The following OXCT1 variants were observed in gnomAD, a reference collection of about 807,000 sequenced individuals.
OXCT1 encodes 3-oxoacid CoA-transferase 1, also known as succinyl-CoA:3-ketoacid coenzyme A transferase 1, mitochondrial.
In OXCT1, 27 loss-of-function variants were observed where a neutral mutation model predicts 69.6. That is an observed-to-expected ratio of 0.39 (90% CI 0.29 to 0.54). The LOEUF (loss-of-function observed/expected upper bound fraction) is 0.54. Among genes scored for constraint, OXCT1 ranks in the 20% least tolerant of loss-of-function variants. The pLI is 0.72. For synonymous variants in OXCT1, 202 were observed against 217.8 expected (o/e 0.93, Z 0.64); for missense variants, 437 against 650.2 (o/e 0.67, Z 3.57).
intron 1 of OXCT1, among the ~76,000 whole-genome samples, chr5:41,864,262 A>G (rs1240875912): frequency 6.6e-6 from 1 of 152,204 alleles, no homozygotes; most frequent in Non-Finnish European, 1.5e-5. Flanking sequence ...ATCCTGATAT[A>G]CTGCTACCTT....
intron 7 of OXCT1, among the ~76,000 whole-genome samples, chr5:41,817,833 G>A (rs1747324210): frequency 6.6e-6 from 1 of 152,180 alleles, no homozygotes; most frequent in Non-Finnish European, 1.5e-5. Flanking sequence ...TCCCAGAGAA[G>A]TCAGAGGAAA....
intron 7 of OXCT1, among the ~76,000 whole-genome samples, chr5:41,811,880 G>A (rs1444697463): frequency 1.3e-5 from 2 of 152,032 alleles, no homozygotes; most frequent in African/African-American, 4.8e-5. Context: ...CACAGACCTA[G>A]GCATGAAGTG....
chr5:41,788,219 C>A (rs557845801), intron 13 of OXCT1, among the ~76,000 whole-genome samples: 1 of 151,776 alleles, frequency 6.6e-6, no homozygotes, highest in South Asian at 2.1e-4. Flanking sequence ...ATATGGTAGA[C>A]CCTAGAGAAG....
At chr5:41,743,833 G>A (rs1405331624) in intron 15 of OXCT1, among the ~76,000 whole-genome samples, 1 of 152,100 alleles carries the variant, frequency 6.6e-6, no homozygotes, top group Non-Finnish European at 1.5e-5. Flanking sequence ...TGTTCCATTG[G>A]TCTATATCTC....
In OXCT1 at chr5:41,762,244, T is replaced by G; in HGVS notation, c.1249-44A>C. ...ATAGCTCTGTATCTTTCACTTCTTT[T>G]GTATGTGACAGAACAAAATTAACTT... On this transcript the variant is annotated intron_variant, in intron 13 of 16. Coordinates refer to ENST00000196371, the MANE Select transcript of OXCT1 (RefSeq NM_000436.4). This position sits in a 1 kb window ranked among gnomAD's most constrained non-coding sequence, Gnocchi z 4.0. The G allele has an allele frequency of 7.1e-7, 1 of 1,415,174 alleles. No homozygotes were observed. 87.7% of individuals were successfully genotyped at this position (1,415,174 alleles called of 1,614,324 possible). A position where few individuals can be genotyped will look rare whatever the true frequency, so the allele number is the denominator to read the frequency against.
At chr5:41,796,092 C>T (rs1382435174) in intron 11 of OXCT1, among the ~76,000 whole-genome samples, 1 of 152,086 alleles carries the variant, frequency 6.6e-6, no homozygotes, top group East Asian at 1.9e-4. Flanking sequence ...GCCAATGTAT[C>T]TAAGGTTAAC....
intron 3 of OXCT1, among the ~76,000 whole-genome samples, chr5:41,854,590 T>A (rs1749342905): frequency 6.6e-6 from 1 of 152,178 alleles, no homozygotes; most frequent in Non-Finnish European, 1.5e-5. Context: ...TGGTGAAATT[T>A]TTTAATGACA....
In OXCT1 at chr5:41,850,114, C is replaced by T. The variant is rs78432029; in HGVS notation, c.480G>A (p.Gly160=). Residue 160 remains glycine (G), a synonymous_variant, in exon 5 of 17, where the codon GGG becomes GGA. Coordinates refer to ENST00000196371, the MANE Select transcript of OXCT1 (RefSeq NM_000436.4). ...CTCCTTCTTGTACCAGGGTCCCATACCCTGTTGGGGTGTAAAATGCAGGAA... is the reference window on the plus strand; with the variant it reads ...CTCCTTCTTGTACCAGGGTCCCATATCCTGTTGGGGTGTAAAATGCAGGAA... ...AGVPAFYTPT[G]YGTLVQEGGS... The T allele has an allele frequency of 2.2e-4, 349 of 1,613,904 alleles. 1 individual carries two copies. The South Asian group carries it at 3.6e-3, about 17-fold the overall frequency.
chr5:41,784,172 A>AATTT (rs1207482138), intron 13 of OXCT1, among the ~76,000 whole-genome samples: 1 of 152,246 alleles, frequency 6.6e-6, no homozygotes, highest in African/African-American at 2.4e-5. Context: ...ATTGCAAGAT[A>AATTT]ATTTTATAAA....
intron 13 of OXCT1, among the ~76,000 whole-genome samples, chr5:41,793,092 A>G (rs1235758458): frequency 2.0e-5 from 3 of 152,212 alleles, no homozygotes; most frequent in African/African-American, 7.2e-5. Flanking sequence ...AGCTAGACTA[A>G]CATGATCTCT....
At chr5:41,806,301 T>G (rs1746678498) in intron 8 of OXCT1, among the ~76,000 whole-genome samples, 1 of 152,066 alleles carries the variant, frequency 6.6e-6, no homozygotes, top group African/African-American at 2.4e-5. Flanking sequence ...GTTTGATATC[T>G]ACAAGGTAGT....
chr5:41,732,455 A>G (rs1742681391), intron 16 of OXCT1, among the ~76,000 whole-genome samples: 2 of 152,270 alleles, frequency 1.3e-5, no homozygotes, highest in African/African-American at 4.8e-5. Flanking sequence ...TATTTAAGGT[A>G]GAGCCGGTTG....
intron 3 of OXCT1, among the ~76,000 whole-genome samples, chr5:41,858,386 C>A (rs1749550967): frequency 6.6e-6 from 1 of 152,158 alleles, no homozygotes; most frequent in Non-Finnish European, 1.5e-5. Flanking sequence ...GGGAACATAT[C>A]ATTTCTAATA....
intron 7 of OXCT1, among the ~76,000 whole-genome samples, chr5:41,826,538 C>G (rs956024191): frequency 2.0e-5 from 3 of 151,800 alleles, no homozygotes; most frequent in African/African-American, 7.3e-5. Context: ...ATGAAATAAG[C>G]AAACAACAGA....
At chr5:41,761,600 T>G (rs1443776038) in intron 14 of OXCT1, among the ~76,000 whole-genome samples, 1 of 152,146 alleles carries the variant, frequency 6.6e-6, no homozygotes, top group Non-Finnish European at 1.5e-5. Flanking sequence ...AATAAAAGTA[T>G]AATACCTTTC....
intron 14 of OXCT1, among the ~76,000 whole-genome samples, chr5:41,753,131 A>G (rs944127599): frequency 7.2e-5 from 11 of 152,096 alleles, no homozygotes; most frequent in African/African-American, 2.7e-4. Flanking sequence ...CCAAATCCAA[A>G]TAAGCTCTTT....
Position 41,731,681 on chromosome 5 carries a change from T to C in OXCT1, c.*48A>G. On this transcript the variant is annotated 3_prime_UTR_variant, in exon 17 of 17. Coordinates refer to ENST00000196371, the MANE Select transcript of OXCT1 (RefSeq NM_000436.4). ...TATTGATGTCCTTTCAATTAAATCT[T>C]GTGTGTTTAAAATGAAAAACACGCA... 2 of 1,575,854 alleles carry C rather than the reference T, an allele frequency of 1.3e-6. No individual in the cohort carries two copies. The highest frequency in any genetic ancestry group is 8.6e-7 in the Non-Finnish European group (1 of 1,158,538).
chr5:41,791,824 C>G (rs949944693), intron 13 of OXCT1, among the ~76,000 whole-genome samples: 2 of 151,638 alleles, frequency 1.3e-5, no homozygotes, highest in Admixed American at 1.3e-4. Context: ...TTTTATGAGA[C>G]GGAGTCTCGC....
At chr5:41,867,769 T>C (rs539109484) in intron 1 of OXCT1, among the ~76,000 whole-genome samples, 1 of 152,170 alleles carries the variant, frequency 6.6e-6, no homozygotes, top group Admixed American at 6.5e-5. Flanking sequence ...GGAAAGAGAT[T>C]TGGGAAAAGA....
Sources: allele counts gnomAD v4.1 joint callset (sites outside exome capture counted in the v4.1 genomes callset), GRCh38; gene constraint gnomAD v4.1.1; non-coding constraint Gnocchi (gnomAD v3.1); transcripts MANE v1.5; gene names NCBI Gene and HGNC (gene_info 2026-07-23, HGNC 2026-07-21).